Variants in ENAH observed in about 807,000 individuals in gnomAD.
ENAH encodes the protein ENAH actin regulator.
Under a neutral mutation model 78.7 loss-of-function variants are expected in ENAH, and 23 were observed. That is an observed-to-expected ratio of 0.29 (90% CI 0.21 to 0.41). The LOEUF (loss-of-function observed/expected upper bound fraction) is 0.41, where lower values mean the gene tolerates loss of function less well. ENAH is among the 10% of genes least tolerant of loss of function. ENAH has a pLI of 1.00. For synonymous variants in ENAH, 226 were observed against 241.0 expected (o/e 0.94, Z 0.58); for missense variants, 544 against 691.0 (o/e 0.79, Z 2.39).
intron 1 of ENAH, among the ~76,000 whole-genome samples, chr1:225,615,222 T>C (rs974129445): frequency 2.0e-5 from 3 of 151,756 alleles, no homozygotes; most frequent in Non-Finnish European, 4.4e-5. Context: ...TTTGTATTTT[T>C]TCGGTGGAGA....
chr1:225,498,669 CG>C (rs1466127819), intron 12 of ENAH, among the ~76,000 whole-genome samples: 3 of 152,146 alleles, frequency 2.0e-5, no homozygotes, highest in African/African-American at 4.8e-5. Context: ...TCCAGTGAAA[CG>C]TATGAGTCAG....
intron 1 of ENAH, among the ~76,000 whole-genome samples, chr1:225,631,409 T>TAAA (rs745707244): frequency 2.2e-5 from 3 of 133,636 alleles, no homozygotes; most frequent in Admixed American, 7.6e-5. Flanking sequence ...GTCTCTACTA[T>TAAA]AAAAAAAAAA....
intron 4 of ENAH, among the ~76,000 whole-genome samples, chr1:225,525,129 C>G (rs190613383): frequency 4.9e-4 from 74 of 152,294 alleles, no homozygotes; most frequent in African/African-American, 1.5e-3. Flanking sequence ...TCACATGTTT[C>G]TAAATACAGT....
chr1:225,603,622 C>T (rs899195073), intron 1 of ENAH, among the ~76,000 whole-genome samples: 4 of 152,104 alleles, frequency 2.6e-5, no homozygotes, highest in African/African-American at 9.7e-5. Context: ...TCAAAATGTA[C>T]AGAGGCATTC....
intron 4 of ENAH, chr1:225,524,727 C>A (rs895425731): frequency 1.1e-6 from 1 of 884,154 alleles, no homozygotes; most frequent in Non-Finnish European, 1.4e-6. Context: ...CCTTTTATAA[C>A]TTTCAGATAG....
At chr1:225,631,921 A>G (rs1406000151) in intron 1 of ENAH, among the ~76,000 whole-genome samples, 1 of 152,196 alleles carries the variant, frequency 6.6e-6, no homozygotes, top group Non-Finnish European at 1.5e-5. Context: ...TTATAAGAAA[A>G]GACTATAATG....
At chr1:225,517,651 G>A (rs1317088092) in intron 5 of ENAH, 1 of 1,550,956 alleles carries the variant, frequency 6.4e-7, no homozygotes, top group Non-Finnish European at 8.7e-7. Flanking sequence ...AGTAGACCAG[G>A]CACAGGGCTT....
At chr1:225,566,259 G>GTTTT (rs1160502487) in intron 2 of ENAH, among the ~76,000 whole-genome samples, 1 of 149,808 alleles carries the variant, frequency 6.7e-6, no homozygotes, top group Admixed American at 6.8e-5. Context: ...TTTTTTGTGT[G>GTTTT]TTTTTTTGTT....
intron 4 of ENAH, among the ~76,000 whole-genome samples, chr1:225,525,627 T>C (rs2096497741): frequency 2.0e-5 from 3 of 152,236 alleles, no homozygotes; most frequent in South Asian, 2.1e-4. Flanking sequence ...TACCTATCTC[T>C]TTCCTAAGTT....
chr1:225,608,057 C>T (rs543064242), intron 1 of ENAH, among the ~76,000 whole-genome samples: 23 of 151,578 alleles, frequency 1.5e-4, no homozygotes, highest in African/African-American at 4.8e-4. Flanking sequence ...AAAGAAACAA[C>T]GCAAGGAACA....
At chr1:225,583,978 C>T (rs971531082) in intron 1 of ENAH, among the ~76,000 whole-genome samples, 7 of 151,932 alleles carry the variant, frequency 4.6e-5, no homozygotes, top group African/African-American at 9.7e-5. Flanking sequence ...CATGGTGAAA[C>T]GCCATCTCCA....
intron 4 of ENAH, among the ~76,000 whole-genome samples, chr1:225,524,363 T>C (rs1367716622): frequency 6.6e-6 from 1 of 152,258 alleles, no homozygotes; most frequent in Non-Finnish European, 1.5e-5. Flanking sequence ...AAGAATGATT[T>C]CAATTTTAAC....
At chr1:225,498,471 A>C (rs2096262368) in intron 12 of ENAH, 67 bp from the exon 13 acceptor site, 1 of 999,012 alleles carries the variant, frequency 1.0e-6, no homozygotes, top group Non-Finnish European at 1.5e-6. Flanking sequence ...TCTTACTCAT[A>C]AAATTTTAAG....
rs1197128295 is a variant in ENAH at position 225,491,056 on chromosome 1, C to T, written c.*6719G>A. 3.3e-5 allele frequency: 5 copies of T among 152,146 alleles called. No individual in the cohort carries two copies. Among genetic ancestry groups the T allele is most frequent in the East Asian group, 1.9e-4 (1 of 5,192 alleles). The allele number at this position is 152,146 out of a possible 1,614,324, so 9.4% of individuals were successfully genotyped here. A position where few individuals can be genotyped will look rare whatever the true frequency, so the allele number is the denominator to read the frequency against. On this transcript the variant is annotated 3_prime_UTR_variant, in exon 14 of 14. Transcript: ENST00000366843. ...TCCATATTTAAAATGCCCAGTGCCT[C>T]GGTCAGCAGAACCAACCAAGTGACA...
chr1:225,615,388 C>A (rs919131548), intron 1 of ENAH, among the ~76,000 whole-genome samples: 2 of 152,100 alleles, frequency 1.3e-5, no homozygotes, highest in Non-Finnish European at 2.9e-5. Context: ...GATCTCGGCT[C>A]GCTACAACCT....
chr1:225,502,862 A>G (rs1208443789), intron 11 of ENAH, among the ~76,000 whole-genome samples: 1 of 152,204 alleles, frequency 6.6e-6, no homozygotes, highest in Non-Finnish European at 1.5e-5. Context: ...CCTGTTCTCT[A>G]GAATTAAACT....
rs145619680 is a variant in ENAH at position 225,520,091 on chromosome 1, C to T, written c.435-526G>A. Among the ~76,000 whole-genome samples the T allele has an allele frequency of 8.1e-3, 1,225 of 151,992 alleles. 22 individuals carry two copies. Among genetic ancestry groups the T allele is most frequent in the Middle Eastern group, 0.02 (6 of 294 alleles). On this transcript the variant is annotated intron_variant, in intron 4 of 13. Transcript: ENST00000366843. ...GGTGCATCACTTGAGGTCAGGAGTT[C>T]GAGACTGGCCTGGCCAACATGGTGA... is the stretch of plus-strand genomic sequence containing the variant.
upstream of ENAH, among the ~76,000 whole-genome samples, chr1:225,653,339 G>A (rs980377561): frequency 1.3e-5 from 2 of 151,570 alleles, no homozygotes; most frequent in African/African-American, 4.8e-5. This position sits in a 1 kb window ranked among gnomAD's most constrained non-coding sequence, Gnocchi z 4.3. Context: ...CGCGACGGCG[G>A]CGGCGGCGGA....
intron 2 of ENAH, among the ~76,000 whole-genome samples, chr1:225,559,028 T>TTCTGGCTGCATCTCTGGCTGCATC (rs2096685128): frequency 6.6e-6 from 1 of 152,158 alleles, no homozygotes; most frequent in Admixed American, 6.5e-5. Flanking sequence ...GCATCCTGAG[T>TTCTGGCTGCATCTCTGGCTGCATC]TCTGGCTGAA....
Sources: gnomAD v4.1 joint callset for allele counts (sites outside exome capture counted in the v4.1 genomes callset) on GRCh38, gnomAD v4.1.1 for gene constraint, Gnocchi (gnomAD v3.1) non-coding constraint, MANE v1.5 for transcripts, NCBI Gene and HGNC (gene_info 2026-07-23, HGNC 2026-07-21) for gene names.